Variants in TNNT3 observed in about 807,000 individuals in gnomAD.
The protein encoded by TNNT3 is troponin T, fast skeletal muscle.
TNNT3 carries 36 observed loss-of-function variants against 54.2 expected under a neutral mutation model. That is an observed-to-expected ratio of 0.66 (90% CI 0.51 to 0.88). The LOEUF (loss-of-function observed/expected upper bound fraction) is 0.88, where lower values mean the gene tolerates loss of function less well. Among genes scored for constraint, TNNT3 ranks in the 40% least tolerant of loss-of-function variants. The probability of loss-of-function intolerance (pLI) is 0.00; values close to 1 mark genes in which losing one functional copy is unlikely to be tolerated. For missense variants in TNNT3, 291 were observed against 331.6 expected, an observed-to-expected ratio of 0.88 and a Z score of 0.95; for synonymous variants, 120 against 109.7, an observed-to-expected ratio of 1.09 and a Z score of -0.59.
chr11:1,922,928 C>G (rs1236609195), intron 2 of TNNT3, 37 bp downstream of exon 2: 52 of 1,613,618 alleles, frequency 3.2e-5, no homozygotes, highest in Non-Finnish European at 4.2e-5. Context: ...CTGCCTGGCT[C>G]GGGACCCTGG....
intron 6 of TNNT3, 194 bp from the exon 7 acceptor site, chr11:1,928,926 C>T (rs551825679): frequency 2.2e-5 from 15 of 695,204 alleles, no homozygotes; most frequent in African/African-American, 1.7e-4. Flanking sequence ...CCCCTTCCAC[C>T]CCCTCCCCAG....
At chr11:1,926,279 G>A (rs867306816) in intron 5 of TNNT3, among the ~76,000 whole-genome samples, 5 of 152,214 alleles carry the variant, frequency 3.3e-5, no homozygotes, top group Non-Finnish European at 7.3e-5. Context: ...CTGAGAGCAG[G>A]GTTTGGGGAC....
chr11:1,934,789 G>C, intron 13 of TNNT3, 40 bp from the exon 14 acceptor site: 3 of 1,606,774 alleles, frequency 1.9e-6, no homozygotes, highest in Non-Finnish European at 2.6e-6. Context: ...CCTGCCTTTG[G>C]GGCTTATTCA....
intron 1 of TNNT3, among the ~76,000 whole-genome samples, chr11:1,921,949 T>C (rs375399444): frequency 2.6e-5 from 4 of 152,094 alleles, no homozygotes; most frequent in East Asian, 3.9e-4. Flanking sequence ...CCACCGCACA[T>C]GGACAGGGCA....
intron 8 of TNNT3, among the ~76,000 whole-genome samples, chr11:1,930,124 C>T (rs1011538937): frequency 6.6e-6 from 1 of 152,106 alleles, no homozygotes; most frequent in African/African-American, 2.4e-5. Flanking sequence ...GTGATTTTGC[C>T]CAGGGTCATC....
At chr11:1,925,430 C>G (rs566261128) in intron 5 of TNNT3, 2 of 805,520 alleles carry the variant, frequency 2.5e-6, no homozygotes, top group African/African-American at 1.7e-5. Context: ...ACCCACTAAC[C>G]GCGGCCAATG....
chr11:1,920,079 G>A (rs1019754468), intron 1 of TNNT3, among the ~76,000 whole-genome samples: 10 of 152,306 alleles, frequency 6.6e-5, no homozygotes, highest in African/African-American at 2.4e-4. Flanking sequence ...TGGCCTGAGG[G>A]CAGGAGGCAG....
intron 7 of TNNT3, among the ~76,000 whole-genome samples, chr11:1,929,356 C>T (rs961697887): frequency 1.3e-5 from 2 of 152,166 alleles, no homozygotes; most frequent in African/African-American, 4.8e-5. Context: ...TGCCACCGCT[C>T]CAAGTTTCTG....
chr11:1,936,313 A>G (rs1855023358), intron 14 of TNNT3: 2 of 1,584,368 alleles, frequency 1.3e-6, no homozygotes, highest in Admixed American at 1.7e-5. Context: ...CGGTGAGGTG[A>G]ACCTCTCGCA....
In TNNT3 at chr11:1,922,986, C is replaced by T. The variant is rs556926553; in HGVS notation, c.18-62C>T. On this transcript the variant is annotated intron_variant, in intron 2 of 15. Coordinates refer to ENST00000278317, the MANE Select transcript of TNNT3 (RefSeq NM_006757.4). ...GAGCATGCGCTATCTTGCACAAGTC[C>T]AAGCAAAGCCCAGCCTCACTACCTC... is the stretch of plus-strand genomic sequence containing the variant. 3 of 1,613,434 alleles carry T rather than the reference C, an allele frequency of 1.9e-6. No individual in the cohort carries two copies. The African/African-American group carries it at 4.0e-5, about 22-fold the overall frequency.
At chr11:1,937,088 G>GCCCT in intron 15 of TNNT3, 85 bp downstream of exon 15, 1 of 1,431,788 alleles carries the variant, frequency 7.0e-7, no homozygotes, top group Non-Finnish European at 9.6e-7. Flanking sequence ...ACAAGGGCCG[G>GCCCT]TGGTGGCTGG....
At chr11:1,926,384 GCTTTT>G (rs1184894504) in intron 5 of TNNT3, 82 of 1,560,892 alleles carry the variant, frequency 5.3e-5, no homozygotes, top group Non-Finnish European at 7.1e-5. Context: ...GTGGCGACGG[GCTTTT>G]CCATTAACCT....
chr11:1,922,713 C>T, intron 1 of TNNT3, 144 bp from the exon 2 acceptor site: 1 of 773,074 alleles, frequency 1.3e-6, no homozygotes. Context: ...GGTGGACTCA[C>T]CCAAGGCCAG....
rs146525925 is a variant in TNNT3 at position 1,923,235 on chromosome 11, G to A, written c.31+174G>A. 4.3e-4 allele frequency among the ~76,000 whole-genome samples: 66 copies of A among 152,234 alleles called. 3 individuals carry two copies. In the East Asian group the frequency reaches 0.012, roughly 27 times the overall value. ...AACAGCTGTCCAAGTGGGGGGCCTCGTCTTTTCCCCGAAGTGTGGCCACAT... is the reference window on the plus strand; with the variant it reads ...AACAGCTGTCCAAGTGGGGGGCCTCATCTTTTCCCCGAAGTGTGGCCACAT... On this transcript the variant is annotated intron_variant, in intron 3 of 15. Coordinates refer to ENST00000278317, the MANE Select transcript of TNNT3 (RefSeq NM_006757.4).
At position 1,936,716 on chromosome 11, in the gene TNNT3, T is replaced by C. The variant is rs377006381; in HGVS notation, c.682-247T>C. Among the ~76,000 whole-genome samples, 5 of 152,236 alleles carry C rather than the reference T, an allele frequency of 3.3e-5. No homozygotes were observed. In the East Asian group the frequency reaches 5.8e-4, roughly 18 times the overall value. ...AGGTAAGTGGCCAGCTACGGGCTGCTGTGTGTGGCAGTCCAGGCCAGTACA... is the reference window on the plus strand; with the variant it reads ...AGGTAAGTGGCCAGCTACGGGCTGCCGTGTGTGGCAGTCCAGGCCAGTACA... On this transcript the variant is annotated intron_variant, in intron 14 of 15. Coordinates refer to ENST00000278317, the MANE Select transcript of TNNT3 (RefSeq NM_006757.4).
chr11:1,934,130 A>G (rs2133459963), intron 11 of TNNT3, 122 bp downstream of exon 11: 1 of 1,232,618 alleles, frequency 8.1e-7, no homozygotes, highest in South Asian at 1.3e-5. Context: ...GATCAGAACC[A>G]CTGGCTAAGG....
chr11:1,925,269 T>C, intron 5 of TNNT3, 153 bp downstream of exon 5: 2 of 1,602,124 alleles, frequency 1.2e-6, no homozygotes, highest in Non-Finnish European at 1.7e-6. Flanking sequence ...CAGAAGTCCA[T>C]GAGGAAGGTA....
intron 5 of TNNT3, chr11:1,926,372 G>T: frequency 6.7e-7 from 1 of 1,500,706 alleles, no homozygotes; most frequent in Non-Finnish European, 9.3e-7. Context: ...CCTCGGCCTC[G>T]AGTGGCGACG....
chr11:1,937,146 A>T (rs1855356180), intron 15 of TNNT3, 143 bp downstream of exon 15: 1 of 885,776 alleles, frequency 1.1e-6, no homozygotes, highest in Admixed American at 2.0e-5. Flanking sequence ...CACCCAGGCC[A>T]GCATGCGCAG....
Sources: gnomAD v4.1 joint callset for allele counts (sites outside exome capture counted in the v4.1 genomes callset) on GRCh38, gnomAD v4.1.1 for gene constraint, MANE v1.5 for transcripts, NCBI Gene and HGNC (gene_info 2026-07-23, HGNC 2026-07-21) for gene names.